Variants in RIMS1 observed in about 807,000 individuals in gnomAD.
The protein encoded by RIMS1 is regulating synaptic membrane exocytosis 1.
In RIMS1, 83 loss-of-function variants were observed where a neutral mutation model predicts 214.1. The ratio of observed to expected loss-of-function variants is 0.39; its 90% CI spans 0.32 to 0.47. RIMS1 has a LOEUF of 0.47. Among genes scored for constraint, RIMS1 ranks in the 20% least tolerant of loss-of-function variants. RIMS1 has a pLI of 0.99. For missense variants in RIMS1, 2,050 were observed against 2,161.8 expected (o/e 0.95, Z 1.03); for synonymous variants, 793 against 786.8 (o/e 1.01, Z -0.13).
intron 4 of RIMS1, among the ~76,000 whole-genome samples, chr6:72,123,918 CTT>C (rs1175338731): frequency 1.3e-5 from 2 of 151,950 alleles, no homozygotes; most frequent in African/African-American, 4.8e-5. Flanking sequence ...GGTCTTGACT[CTT>C]TATCCAATTT....
At chr6:72,132,124 T>A (rs897404767) in intron 4 of RIMS1, among the ~76,000 whole-genome samples, 1 of 152,216 alleles carries the variant, frequency 6.6e-6, no homozygotes, top group Non-Finnish European at 1.5e-5. Flanking sequence ...CACAAGGTCC[T>A]GAGGCGACAT....
At chr6:72,253,769 G>C (rs9293873) in intron 16 of RIMS1, among the ~76,000 whole-genome samples, 99,509 of 152,006 alleles carry the variant, frequency 0.65, 33,048 homozygotes, top group East Asian at 0.98. Context: ...AGTTTGGAGA[G>C]ATGCATACAA....
chr6:72,336,461 A>G (rs1026503290), intron 29 of RIMS1, among the ~76,000 whole-genome samples: 3 of 151,848 alleles, frequency 2.0e-5, no homozygotes, highest in Non-Finnish European at 4.4e-5. Context: ...TAATAACTTC[A>G]TGGAATATCC....
intron 24 of RIMS1, among the ~76,000 whole-genome samples, chr6:72,289,004 C>A (rs1289498761): frequency 6.6e-6 from 1 of 152,188 alleles, no homozygotes; most frequent in African/African-American, 2.4e-5. Context: ...TGAATATTCA[C>A]CCAGGAAGCC....
intron 2 of RIMS1, among the ~76,000 whole-genome samples, chr6:72,076,081 A>C (rs1417561541): frequency 1.3e-5 from 2 of 152,166 alleles, no homozygotes; most frequent in Non-Finnish European, 2.9e-5. Flanking sequence ...ATTCCTAGGA[A>C]TTTACCCTTA....
At position 72,248,527 on chromosome 6, in the gene RIMS1, C is replaced by T. The variant is rs546456454; in HGVS notation, c.2241+400C>T. On this transcript the variant is annotated intron_variant, in intron 12 of 33. Transcript: ENST00000521978. ...CCTAAATTTGGAATATTCTTTTTAACTTCCTAAGGCATTTGGCAAAACTCT... is the reference window on the plus strand; with the variant it reads ...CCTAAATTTGGAATATTCTTTTTAATTTCCTAAGGCATTTGGCAAAACTCT... 4.6e-5 allele frequency among the ~76,000 whole-genome samples: 7 copies of T among 152,252 alleles called. No individual in the cohort carries two copies. In the South Asian group the frequency reaches 1.0e-3, roughly 23 times the overall value.
At chr6:72,271,286 A>AAAAATATAT (rs1417580438) in intron 22 of RIMS1, among the ~76,000 whole-genome samples, 7 of 44,414 alleles carry the variant, frequency 1.6e-4, no homozygotes, top group African/African-American at 7.5e-4. Flanking sequence ...AAAAAAAAAA[A>AAAAATATAT]ATATATATAT....
chr6:72,334,531 A>G (rs935821368), intron 29 of RIMS1, among the ~76,000 whole-genome samples: 1 of 151,932 alleles, frequency 6.6e-6, no homozygotes, highest in Non-Finnish European at 1.5e-5. Flanking sequence ...AAAATTATAT[A>G]AAATTGGCCA....
intron 1 of RIMS1, among the ~76,000 whole-genome samples, chr6:71,930,333 A>T (rs944924232): frequency 3.3e-5 from 5 of 152,178 alleles, no homozygotes; most frequent in East Asian, 1.9e-4. Context: ...GAATATTTTT[A>T]AAATTGACAT....
intron 6 of RIMS1, among the ~76,000 whole-genome samples, chr6:72,199,596 A>T (rs2051573385): frequency 6.6e-6 from 1 of 152,140 alleles, no homozygotes; most frequent in Non-Finnish European, 1.5e-5. Flanking sequence ...TGGAGAGGGC[A>T]GAGGTGGAGG....
At chr6:72,142,274 C>A (rs2042165150) in intron 4 of RIMS1, among the ~76,000 whole-genome samples, 1 of 151,958 alleles carries the variant, frequency 6.6e-6, no homozygotes. Flanking sequence ...GCAGGTATGC[C>A]TAACTCCAAA....
At chr6:72,012,690 A>C (rs1235365329) in intron 2 of RIMS1, among the ~76,000 whole-genome samples, 1 of 152,188 alleles carries the variant, frequency 6.6e-6, no homozygotes, top group African/African-American at 2.4e-5. Flanking sequence ...AGAGATGTAC[A>C]CAGCAAGGTT....
chr6:72,190,751 A>G (rs112933353), intron 6 of RIMS1, among the ~76,000 whole-genome samples: 1,706 of 152,270 alleles, frequency 0.011, 10 homozygotes, highest in Non-Finnish European at 0.017. Flanking sequence ...GCCTGATCAC[A>G]TATATGCCAC....
chr6:71,986,321 G>A (rs1163997389), intron 2 of RIMS1, among the ~76,000 whole-genome samples: 1 of 151,372 alleles, frequency 6.6e-6, no homozygotes, highest in Non-Finnish European at 1.5e-5. Context: ...TTAATAATAT[G>A]CATACCATGA....
At chr6:72,224,018 G>A (rs1434526397) in intron 6 of RIMS1, among the ~76,000 whole-genome samples, 1 of 149,950 alleles carries the variant, frequency 6.7e-6, no homozygotes, top group African/African-American at 2.5e-5. Context: ...CCAAAAGAAA[G>A]TTTCTTTTCT....
chr6:72,154,657 G>T (rs907554747), intron 4 of RIMS1, among the ~76,000 whole-genome samples: 3 of 140,512 alleles, frequency 2.1e-5, no homozygotes, highest in African/African-American at 7.4e-5. Flanking sequence ...GTTCACTGAA[G>T]TTCCAGCACA....
chr6:72,136,320 G>T (rs1018400606), intron 4 of RIMS1, among the ~76,000 whole-genome samples: 14 of 151,874 alleles, frequency 9.2e-5, no homozygotes, highest in Middle Eastern at 3.4e-3. Context: ...AAATTGTTAA[G>T]CATGATTGTT....
Position 72,031,686 on chromosome 6 carries a change from A to G in RIMS1, c.245+62623A>G, listed in dbSNP as rs115838129. 6.2e-3 allele frequency among the ~76,000 whole-genome samples: 940 copies of G among 152,242 alleles called. 6 individuals are homozygous for G. Among genetic ancestry groups the G allele is most frequent in the African/African-American group, 0.021 (889 of 41,560 alleles). ...GTGGTGGTTAATGCCAGGCAGAGGT[A>G]AAAGCTCCTCTGAATGTCAGTATGA... On this transcript the variant is annotated intron_variant, in intron 2 of 33. Coordinates refer to ENST00000521978, the MANE Select transcript of RIMS1 (RefSeq NM_014989.7).
chr6:72,370,792 G>A (rs2098192152), intron 29 of RIMS1, among the ~76,000 whole-genome samples: 1 of 152,092 alleles, frequency 6.6e-6, no homozygotes, highest in African/African-American at 2.4e-5. Flanking sequence ...GGCTTAAAGA[G>A]TACAAATAAA....
Sources: allele counts gnomAD v4.1 joint callset (sites outside exome capture counted in the v4.1 genomes callset), GRCh38; gene constraint gnomAD v4.1.1; transcripts MANE v1.5; gene names NCBI Gene and HGNC (gene_info 2026-07-23, HGNC 2026-07-21).